FSTL4: variants seen among roughly 807,000 people sequenced by gnomAD.
FSTL4 encodes the protein follistatin-related protein 4.
FSTL4 carries 28 observed loss-of-function variants against 78.2 expected under a neutral mutation model. That is an observed-to-expected ratio of 0.36 (90% CI 0.27 to 0.49). FSTL4 has a LOEUF of 0.49. FSTL4 is among the 20% of genes least tolerant of loss of function. The pLI is 0.98. For missense variants in FSTL4, 922 were observed against 1,084.9 expected (o/e 0.85, Z 2.11); for synonymous variants, 422 against 440.5 (o/e 0.96, Z 0.53).
the FSTL4 span, among the ~76,000 whole-genome samples, chr5:133,770,965 T>C: frequency 2.0e-5 from 3 of 152,060 alleles, no homozygotes; most frequent in Non-Finnish European, 2.9e-5. Context: ...CACAGCATCA[T>C]TTATTGAATA....
At chr5:133,662,299 T>G in the FSTL4 span, among the ~76,000 whole-genome samples, 1 of 152,232 alleles carries the variant, frequency 6.6e-6, no homozygotes, top group Non-Finnish European at 1.5e-5. Context: ...AATTTTTACA[T>G]ATTTTACTTT....
rs917554314 is a variant in FSTL4 at position 133,458,088 on chromosome 5, A to C, written c.161-57102T>G. ...CTGCGCAGTGAACAGTCATTGTTTAAAAATGTCATGATAATAATCAGCTTT... is the reference window on the plus strand; with the variant it reads ...CTGCGCAGTGAACAGTCATTGTTTACAAATGTCATGATAATAATCAGCTTT... On this transcript the variant is annotated intron_variant, in intron 3 of 15. Transcript: ENST00000265342. 3 of 152,222 alleles carry C rather than the reference A, an allele frequency of 2.0e-5. No homozygotes were observed. The East Asian group carries it at 5.8e-4, about 29-fold the overall frequency. 9.4% of individuals were successfully genotyped at this position (152,222 alleles called of 1,614,324 possible).
intron 11 of FSTL4, among the ~76,000 whole-genome samples, chr5:133,222,658 G>A (rs577342955): frequency 2.0e-5 from 3 of 152,240 alleles, no homozygotes; most frequent in South Asian, 4.2e-4. Context: ...GCTCACAGTC[G>A]GCCCTGGAAT....
chr5:133,689,705 C>T, the FSTL4 span, among the ~76,000 whole-genome samples: 1 of 152,102 alleles, frequency 6.6e-6, no homozygotes, highest in East Asian at 1.9e-4. Flanking sequence ...TTCTTATTCC[C>T]CAAAATTCAA....
chr5:133,249,751 G>A (rs1251292521), intron 6 of FSTL4, among the ~76,000 whole-genome samples, 175 bp from the exon 7 acceptor site: 1 of 152,250 alleles, frequency 6.6e-6, no homozygotes, highest in Non-Finnish European at 1.5e-5. Flanking sequence ...TTTGCTGGGC[G>A]AGGAGCCAAG....
rs945924166 is a variant in FSTL4, at chr5:133,401,005, C to G, written c.161-19G>C. ...GAAAGCCCTGCCAGACACACAAACACAGAGGGTCAGCTGTAAACACTCAGA... is the reference window on the plus strand; with the variant it reads ...GAAAGCCCTGCCAGACACACAAACAGAGAGGGTCAGCTGTAAACACTCAGA... On this transcript the variant is annotated intron_variant, in intron 3 of 15. Coordinates refer to ENST00000265342, the MANE Select transcript of FSTL4 (RefSeq NM_015082.2). 3.7e-6 allele frequency: 6 copies of G among 1,612,328 alleles called. No homozygotes were observed. Among genetic ancestry groups the G allele is most frequent in the Middle Eastern group, 1.7e-4 (1 of 5,844 alleles).
At chr5:133,651,656 G>A in the FSTL4 span, among the ~76,000 whole-genome samples, 3 of 151,132 alleles carry the variant, frequency 2.0e-5, no homozygotes, top group Non-Finnish European at 4.4e-5. Context: ...TTTTTTTTGA[G>A]GCGGAGTCTT....
At chr5:133,216,878 C>T (rs1750924353) in intron 13 of FSTL4, among the ~76,000 whole-genome samples, 1 of 152,212 alleles carries the variant, frequency 6.6e-6, no homozygotes. Context: ...GAGTCTCGGT[C>T]CTACCTGGCA....
chr5:133,607,666 G>A (rs903432576), intron 1 of FSTL4, among the ~76,000 whole-genome samples: 2 of 152,172 alleles, frequency 1.3e-5, no homozygotes, highest in South Asian at 2.1e-4. Flanking sequence ...ATAAACAGTT[G>A]TTTTTAGTAT....
At chr5:133,749,180 AT>A in the FSTL4 span, among the ~76,000 whole-genome samples, 3 of 152,220 alleles carry the variant, frequency 2.0e-5, no homozygotes, top group South Asian at 2.1e-4. Context: ...GCAGTGATGA[AT>A]GAACATCAGA....
intron 6 of FSTL4, among the ~76,000 whole-genome samples, chr5:133,302,515 C>A (rs1753566870): frequency 6.6e-6 from 1 of 152,188 alleles, no homozygotes; most frequent in African/African-American, 2.4e-5. Flanking sequence ...TCCAGGGAGC[C>A]TCTGGGAGGC....
chr5:133,514,997 G>A (rs566640631), intron 3 of FSTL4, among the ~76,000 whole-genome samples: 3 of 152,048 alleles, frequency 2.0e-5, no homozygotes, highest in Non-Finnish European at 4.4e-5. Context: ...CAAAAACATC[G>A]CTTGAAAATG....
At chr5:133,299,254 A>T (rs914626498) in intron 6 of FSTL4, among the ~76,000 whole-genome samples, 5 of 152,138 alleles carry the variant, frequency 3.3e-5, no homozygotes, top group African/African-American at 4.8e-5. Flanking sequence ...AGGTGCACAC[A>T]TGAGTGTGAA....
intron 14 of FSTL4, among the ~76,000 whole-genome samples, chr5:133,209,538 AT>A (rs747799432): frequency 6.6e-5 from 10 of 152,198 alleles, no homozygotes; most frequent in African/African-American, 1.2e-4. Flanking sequence ...TACAGGGCTC[AT>A]TCCTCTTATG....
chr5:133,312,574 C>T (rs1753811298), intron 6 of FSTL4, 80 bp downstream of exon 6: 2 of 1,340,302 alleles, frequency 1.5e-6, no homozygotes, highest in East Asian at 4.6e-5. Flanking sequence ...CAACTGAGGA[C>T]AGACTCCAGG....
At chr5:133,484,730 C>T (rs56017507) in intron 3 of FSTL4, among the ~76,000 whole-genome samples, 1,694 of 152,274 alleles carry the variant, frequency 0.011, 28 homozygotes, top group African/African-American at 0.039. Flanking sequence ...CTAGTGTCAG[C>T]GGTCAGGGTC....
At chr5:133,649,578 T>A in the FSTL4 span, among the ~76,000 whole-genome samples, 6 of 152,216 alleles carry the variant, frequency 3.9e-5, no homozygotes, top group African/African-American at 1.4e-4. Context: ...TATCTCATTG[T>A]TGTTTTAATT....
At chr5:133,309,877 C>T (rs1015751374) in intron 6 of FSTL4, among the ~76,000 whole-genome samples, 12 of 152,216 alleles carry the variant, frequency 7.9e-5, no homozygotes, top group African/African-American at 2.9e-4. Context: ...ATGCCTCAAC[C>T]TCTGCCAGCC....
chr5:133,241,868 C>T (rs1178871458), intron 7 of FSTL4, among the ~76,000 whole-genome samples: 1 of 152,182 alleles, frequency 6.6e-6, no homozygotes, highest in Non-Finnish European at 1.5e-5. Flanking sequence ...ACACTCACAG[C>T]CATGACAGCT....
Sources: allele counts gnomAD v4.1 joint callset (sites outside exome capture counted in the v4.1 genomes callset), GRCh38; gene constraint gnomAD v4.1.1; transcripts MANE v1.5; gene names NCBI Gene and HGNC (gene_info 2026-07-23, HGNC 2026-07-21).